Variants in UBE2W observed in about 807,000 individuals in gnomAD.
UBE2W encodes ubiquitin conjugating enzyme E2 W.
Under a neutral mutation model 27.2 loss-of-function variants are expected in UBE2W, and 18 were observed. The ratio of observed to expected loss-of-function variants is 0.66; its 90% CI spans 0.46 to 0.98. The LOEUF (loss-of-function observed/expected upper bound fraction) is 0.98. Among genes scored for constraint, UBE2W ranks in the 50% least tolerant of loss-of-function variants. The probability of loss-of-function intolerance (pLI) is 0.00; values close to 1 mark genes in which losing one functional copy is unlikely to be tolerated. For synonymous variants in UBE2W, 53 were observed against 57.2 expected, an observed-to-expected ratio of 0.93 and a Z score of 0.33; for missense variants, 90 against 180.2, an observed-to-expected ratio of 0.50 and a Z score of 2.87.
At chr8:73,817,921 C>T (rs1260359727) in intron 3 of UBE2W, among the ~76,000 whole-genome samples, 1 of 152,108 alleles carries the variant, frequency 6.6e-6, no homozygotes, top group Non-Finnish European at 1.5e-5. Flanking sequence ...CCCAAAATAA[C>T]CTTCCACTCT....
Position 73,830,489 on chromosome 8 carries a change from A to G in UBE2W, c.16-17T>C. On this transcript the variant is annotated splice_polypyrimidine_tract_variant and intron_variant, in intron 1 of 5. Coordinates refer to ENST00000602593, the MANE Select transcript of UBE2W (RefSeq NM_018299.6). Reference sequence around the variant, plus strand: ...TAGTCGTTTCTAGAAAAGAACATCAATAATAATTTGTCCTTTTTGAGACTA... The same window carrying G: ...TAGTCGTTTCTAGAAAAGAACATCAGTAATAATTTGTCCTTTTTGAGACTA... The G allele has an allele frequency of 6.2e-7, 1 of 1,607,206 alleles. No homozygotes were observed. Among genetic ancestry groups the G allele is most frequent in the Non-Finnish European group, 8.5e-7 (1 of 1,173,862 alleles).
intron 5 of UBE2W, among the ~76,000 whole-genome samples, chr8:73,797,910 A>C (rs1251675960): frequency 3.3e-5 from 5 of 152,250 alleles, no homozygotes; most frequent in African/African-American, 1.2e-4. Context: ...TTAAGTATCA[A>C]CATGACACCA....
chr8:73,780,274 C>T (rs552096446), exon 5 of UBE2W: 1 of 245,938 alleles, frequency 4.1e-6, no homozygotes, highest in Admixed American at 4.4e-5. Flanking sequence ...TGATACATCA[C>T]CCCATGACTG....
rs138492089 is a variant in UBE2W at position 73,802,449 on chromosome 8, T to C, written c.442+3202A>G. 7.0e-3 allele frequency among the ~76,000 whole-genome samples: 1,058 copies of C among 150,900 alleles called. 11 individuals carry two copies. The highest frequency in any genetic ancestry group is 0.025 in the African/African-American group (1,024 of 40,164). ...CATTTCAAAATTTTTTCAAACTTTA[T>C]AACGATAGTGCTTTAAAGTTAAAGA... On this transcript the variant is annotated intron_variant, in intron 5 of 5. Coordinates refer to ENST00000602593, the MANE Select transcript of UBE2W (RefSeq NM_018299.6).
At chr8:73,802,262 C>T (rs1808678067) in intron 5 of UBE2W, among the ~76,000 whole-genome samples, 1 of 152,202 alleles carries the variant, frequency 6.6e-6, no homozygotes, top group South Asian at 2.1e-4. Context: ...ACCCTTTACT[C>T]TCCCCTTCAG....
chr8:73,830,313 A>C, intron 2 of UBE2W, 68 bp downstream of exon 2: 1 of 1,167,242 alleles, frequency 8.6e-7, no homozygotes, highest in Non-Finnish European at 1.3e-6. Context: ...TGTAGTTTTA[A>C]AAAGCGGGTG....
intron 1 of UBE2W, chr8:73,831,039 C>T (rs770658864): frequency 8.6e-5 from 17 of 196,718 alleles, no homozygotes; most frequent in Admixed American, 2.4e-4. Flanking sequence ...ACATCTGGAA[C>T]GGAACATGGA....
intron 1 of UBE2W, among the ~76,000 whole-genome samples, chr8:73,840,270 A>T (rs984094512): frequency 6.6e-6 from 1 of 151,054 alleles, no homozygotes; most frequent in Non-Finnish European, 1.5e-5. Flanking sequence ...GTTAGCCGGG[A>T]TGGTCTCTAT....
intron 1 of UBE2W, among the ~76,000 whole-genome samples, chr8:73,846,145 T>C (rs1324574257): frequency 6.6e-6 from 1 of 152,192 alleles, no homozygotes; most frequent in Non-Finnish European, 1.5e-5. Context: ...CCCAGCACTT[T>C]GGGAGGCTGA....
chr8:73,874,288 G>T (rs1030990076), intron 1 of UBE2W, among the ~76,000 whole-genome samples: 5 of 152,042 alleles, frequency 3.3e-5, no homozygotes, highest in Non-Finnish European at 7.4e-5. Flanking sequence ...AAAATAAGCC[G>T]GGCGAGGTGG....
chr8:73,830,537 G>T, intron 1 of UBE2W, 65 bp from the exon 2 acceptor site: 2 of 1,264,462 alleles, frequency 1.6e-6, no homozygotes, highest in Non-Finnish European at 2.3e-6. Flanking sequence ...CCAGGTTGGA[G>T]TACAGTGGTG....
intron 5 of UBE2W, among the ~76,000 whole-genome samples, chr8:73,796,115 TGAAAC>T (rs1488356863): frequency 1.3e-5 from 2 of 149,588 alleles, no homozygotes; most frequent in South Asian, 4.3e-4. Flanking sequence ...TTGTGGTACT[TGAAAC>T]AGACAGAGAA....
intron 1 of UBE2W, among the ~76,000 whole-genome samples, chr8:73,844,705 C>T (rs952960990): frequency 3.3e-5 from 5 of 151,234 alleles, no homozygotes; most frequent in Admixed American, 1.3e-4. Context: ...AAGTGAGGAG[C>T]GTCTCTGCCC....
At chr8:73,826,550 T>G (rs1329636128) in intron 2 of UBE2W, among the ~76,000 whole-genome samples, 1 of 152,184 alleles carries the variant, frequency 6.6e-6, no homozygotes, top group African/African-American at 2.4e-5. Flanking sequence ...GTACCTATTC[T>G]CTAAAAGAAA....
chr8:73,870,931 A>C (rs764592674), intron 1 of UBE2W, among the ~76,000 whole-genome samples: 2 of 151,892 alleles, frequency 1.3e-5, no homozygotes, highest in African/African-American at 4.8e-5. Context: ...GAGGACAATA[A>C]GGCTACAGAG....
At position 73,788,725 on chromosome 8, in the gene UBE2W, A is replaced by G; in HGVS notation, c.*5377T>C. On this transcript the variant is annotated 3_prime_UTR_variant, in exon 6 of 6. Transcript: ENST00000602593. ...TTTTGCCTTTGAGAAAACAACTTAG[A>G]ATTGTTGTAGGACCAATGAGAAAAC... 1 of 985,408 alleles carries G rather than the reference A, an allele frequency of 1.0e-6. No individual in the cohort carries two copies. The highest frequency in any genetic ancestry group is 1.2e-6 in the Non-Finnish European group (1 of 829,926). 61.0% of individuals were successfully genotyped at this position (985,408 alleles called of 1,614,324 possible).
At chr8:73,819,118 T>C (rs1435401577) in intron 3 of UBE2W, among the ~76,000 whole-genome samples, 1 of 152,190 alleles carries the variant, frequency 6.6e-6, no homozygotes, top group East Asian at 1.9e-4. Flanking sequence ...TTCAAATGGC[T>C]TACTCCTGCA....
At chr8:73,859,449 T>C (rs1811454220) in intron 1 of UBE2W, among the ~76,000 whole-genome samples, 1 of 152,238 alleles carries the variant, frequency 6.6e-6, no homozygotes, top group Admixed American at 6.5e-5. Context: ...GAGGCTGCAG[T>C]GAGCTGAGAT....
chr8:73,802,156 G>C (rs1322193070), intron 5 of UBE2W, among the ~76,000 whole-genome samples: 1 of 152,198 alleles, frequency 6.6e-6, no homozygotes, highest in Non-Finnish European at 1.5e-5. Context: ...GTTTGCTCTT[G>C]AATTTTAAGC....
Sources: allele counts gnomAD v4.1 joint callset (sites outside exome capture counted in the v4.1 genomes callset), GRCh38; gene constraint gnomAD v4.1.1; transcripts MANE v1.5; gene names NCBI Gene and HGNC (gene_info 2026-07-23, HGNC 2026-07-21).